LUZP2: variants seen among roughly 807,000 people sequenced by gnomAD.
LUZP2 encodes leucine zipper protein 2.
In LUZP2, 52 loss-of-function variants were observed where a neutral mutation model predicts 51.6. The ratio of observed to expected loss-of-function variants is 1.01; its 90% CI spans 0.81 to 1.27. The LOEUF is 1.27. Ranked by LOEUF, LUZP2 falls within the 50% of genes most tolerant of loss-of-function variation. LUZP2 has a pLI of 0.00. For missense variants in LUZP2, 436 were observed against 395.4 expected (o/e 1.10, Z -0.87); for synonymous variants, 154 against 137.3 (o/e 1.12, Z -0.85).
intron 4 of LUZP2, among the ~76,000 whole-genome samples, chr11:24,744,003 G>A (rs75963407): frequency 0.065 from 9,817 of 152,036 alleles, 1,064 homozygotes; most frequent in African/African-American, 0.22. Context: ...TTCTGTTTAT[G>A]TGGTGTATCC....
chr11:24,902,150 A>G (rs1351124041), intron 5 of LUZP2, among the ~76,000 whole-genome samples: 4 of 152,210 alleles, frequency 2.6e-5, no homozygotes, highest in African/African-American at 4.8e-5. Context: ...ATCTAATAAT[A>G]GTAATTAGGT....
chr11:24,965,433 T>G (rs922163492), intron 7 of LUZP2, among the ~76,000 whole-genome samples: 2 of 151,610 alleles, frequency 1.3e-5, no homozygotes, highest in African/African-American at 2.4e-5. Flanking sequence ...CAAGAAAGAA[T>G]ATCAACAAAA....
intron 7 of LUZP2, among the ~76,000 whole-genome samples, chr11:24,918,352 G>T (rs910066460): frequency 6.6e-6 from 1 of 151,882 alleles, no homozygotes; most frequent in African/African-American, 2.4e-5. Context: ...GATTGCCCTG[G>T]CCAGAACTTC....
At chr11:25,004,984 C>A (rs537589036) in intron 9 of LUZP2, among the ~76,000 whole-genome samples, 2 of 152,238 alleles carry the variant, frequency 1.3e-5, no homozygotes, top group Admixed American at 1.3e-4. Context: ...CAAGTGAGAT[C>A]GAAGGTTTGC....
chr11:24,618,147 G>A (rs1053753256), intron 1 of LUZP2, among the ~76,000 whole-genome samples: 4 of 152,104 alleles, frequency 2.6e-5, no homozygotes, highest in East Asian at 1.9e-4. Flanking sequence ...GGGGATGGGG[G>A]AATGTAGCCT....
At chr11:24,961,614 A>G (rs1158616501) in intron 7 of LUZP2, among the ~76,000 whole-genome samples, 1 of 151,878 alleles carries the variant, frequency 6.6e-6, no homozygotes, top group African/African-American at 2.4e-5. Context: ...ATCTTCCTCC[A>G]TCCTTTTATT....
chr11:24,596,434 G>A (rs749056010), intron 1 of LUZP2, among the ~76,000 whole-genome samples: 1 of 152,086 alleles, frequency 6.6e-6, no homozygotes, highest in Non-Finnish European at 1.5e-5. Context: ...GGACTTTTAT[G>A]CAATAATAGG....
intron 1 of LUZP2, among the ~76,000 whole-genome samples, chr11:24,674,100 T>C (rs1243486183): frequency 1.3e-5 from 2 of 152,230 alleles, no homozygotes; most frequent in Non-Finnish European, 2.9e-5. Context: ...TAACTTACTA[T>C]GTATTGGTTA....
intron 9 of LUZP2, among the ~76,000 whole-genome samples, chr11:25,002,400 C>T (rs921429827): frequency 6.6e-6 from 1 of 152,182 alleles, no homozygotes; most frequent in Non-Finnish European, 1.5e-5. Flanking sequence ...TCCCCATCCT[C>T]TGGGAGAAAA....
At chr11:25,012,257 C>G (rs993404848) in intron 9 of LUZP2, among the ~76,000 whole-genome samples, 5 of 152,114 alleles carry the variant, frequency 3.3e-5, no homozygotes, top group African/African-American at 1.2e-4. Flanking sequence ...ACGTGAATAA[C>G]CAGGTAGTAT....
At chr11:24,568,355 G>GAATAAAA (rs1852314024) in intron 1 of LUZP2, among the ~76,000 whole-genome samples, 1 of 127,252 alleles carries the variant, frequency 7.9e-6, no homozygotes, top group Non-Finnish European at 1.6e-5. Context: ...ATCTGTCTCA[G>GAATAAAA]AAAAAAAAAA....
At position 24,576,826 on chromosome 11, in the gene LUZP2, G is replaced by A. The variant is rs1479825093; in HGVS notation, c.62+79521G>A. Among the ~76,000 whole-genome samples, 3 of 151,992 alleles carry A rather than the reference G, an allele frequency of 2.0e-5. 1 individual carries two copies. Reference sequence around the variant, plus strand: ...AATGCACTTAACCACCAAATTACTTGTTATATATATGAAATTGTTTGACAT... The same window carrying A: ...AATGCACTTAACCACCAAATTACTTATTATATATATGAAATTGTTTGACAT... On this transcript the variant is annotated intron_variant, in intron 1 of 11. Transcript: ENST00000336930.
At chr11:24,803,343 A>G (rs997471530) in intron 5 of LUZP2, among the ~76,000 whole-genome samples, 13 of 152,034 alleles carry the variant, frequency 8.6e-5, no homozygotes, top group African/African-American at 3.1e-4. Flanking sequence ...TAGGATGGCT[A>G]TTACCAAAAA....
At position 24,914,521 on chromosome 11, in the gene LUZP2, A is replaced by G; in HGVS notation, c.505A>G (p.Lys169Glu). Reference protein sequence around the residue: ...AQLKELRYGKKDLLFKAQQLT... With the variant: ...AQLKELRYGKEDLLFKAQQLT... Reference sequence around the variant, plus strand: ...GCTGAAGGAGCTTCGTTATGGGAAGAAGGATTTATTATTTAAGGTGAGTCT... The same window carrying G: ...GCTGAAGGAGCTTCGTTATGGGAAGGAGGATTTATTATTTAAGGTGAGTCT... Residue 169 changes from lysine (K) to glutamate (E), a missense_variant, in exon 7 of 12, where the codon AAG becomes GAG. Coordinates refer to ENST00000336930, the MANE Select transcript of LUZP2 (RefSeq NM_001009909.4). 1.2e-6 allele frequency: 2 copies of G among 1,608,884 alleles called. No individual in the cohort carries two copies. The highest frequency in any genetic ancestry group is 1.1e-5 in the South Asian group (1 of 89,990).
chr11:24,794,376 G>A (rs920489957), intron 5 of LUZP2, among the ~76,000 whole-genome samples: 1 of 152,138 alleles, frequency 6.6e-6, no homozygotes, highest in Admixed American at 6.6e-5. Context: ...GAGAATGAAT[G>A]TGTGCAGTCT....
At chr11:24,709,822 A>G (rs1202881098) in intron 1 of LUZP2, among the ~76,000 whole-genome samples, 1 of 152,188 alleles carries the variant, frequency 6.6e-6, no homozygotes, top group Non-Finnish European at 1.5e-5. Flanking sequence ...TTGCAGGGAT[A>G]ATATAATCAG....
intron 1 of LUZP2, among the ~76,000 whole-genome samples, chr11:24,645,489 G>A (rs973999062): frequency 1.5e-4 from 23 of 152,070 alleles, no homozygotes. Context: ...CTAGAATTAT[G>A]CCATAGCAAT....
At chr11:24,996,177 C>A (rs909613588) in intron 9 of LUZP2, among the ~76,000 whole-genome samples, 4 of 151,422 alleles carry the variant, frequency 2.6e-5, no homozygotes, top group Non-Finnish European at 5.9e-5. Flanking sequence ...GATTATCAAT[C>A]ATATTTTTCT....
chr11:25,022,345 C>T (rs953736425), intron 9 of LUZP2, among the ~76,000 whole-genome samples: 2 of 151,922 alleles, frequency 1.3e-5, no homozygotes, highest in African/African-American at 4.8e-5. Flanking sequence ...TCACATGCCA[C>T]GTTCTGGCCA....
Sources: gnomAD v4.1 joint callset for allele counts (sites outside exome capture counted in the v4.1 genomes callset) on GRCh38, gnomAD v4.1.1 for gene constraint, MANE v1.5 for transcripts, NCBI Gene and HGNC (gene_info 2026-07-23, HGNC 2026-07-21) for gene names.